The following MAP3K5 variants were observed in gnomAD, a reference collection of about 807,000 sequenced individuals.
The protein encoded by MAP3K5 is ASK-1.
A neutral mutation model predicts 158.7 loss-of-function variants in MAP3K5; 56 were observed. The ratio of observed to expected loss-of-function variants is 0.35; its 90% CI spans 0.28 to 0.44. The LOEUF is 0.44. Among genes scored for constraint, MAP3K5 ranks in the 20% least tolerant of loss-of-function variants. The pLI, the probability that MAP3K5 is intolerant of heterozygous loss-of-function variation, is 1.00. For missense variants in MAP3K5, 1,294 were observed against 1,674.8 expected (o/e 0.77, Z 3.97); for synonymous variants, 579 against 601.7 (o/e 0.96, Z 0.55).
intron 8 of MAP3K5, among the ~76,000 whole-genome samples, chr6:136,661,459 G>A (rs571141507): frequency 2.0e-5 from 3 of 152,266 alleles, no homozygotes; most frequent in East Asian, 1.9e-4. Flanking sequence ...GCAGTGGCAC[G>A]ATCACTGCTC....
At chr6:136,778,532 T>C (rs1031058194) in intron 1 of MAP3K5, among the ~76,000 whole-genome samples, 1 of 152,214 alleles carries the variant, frequency 6.6e-6, no homozygotes, top group African/African-American at 2.4e-5. Context: ...AAGGCAGAAA[T>C]CACACCTTTT....
At chr6:136,640,626 G>A (rs915282103) in intron 12 of MAP3K5, among the ~76,000 whole-genome samples, 3 of 152,128 alleles carry the variant, frequency 2.0e-5, no homozygotes, top group African/African-American at 7.2e-5. Flanking sequence ...GTCATGAGTT[G>A]TTAAATGTCT....
intron 7 of MAP3K5, among the ~76,000 whole-genome samples, chr6:136,680,115 A>G (rs567569666): frequency 6.6e-6 from 1 of 152,244 alleles, no homozygotes; most frequent in East Asian, 1.9e-4. Context: ...AGGTACCTAG[A>G]GTAGTCAAAT....
intron 2 of MAP3K5, among the ~76,000 whole-genome samples, chr6:136,716,027 CAAAAAAAAAAAAAAAAAAAA>C (rs60678515): frequency 1.8e-3 from 42 of 23,032 alleles, no homozygotes; most frequent in East Asian, 0.01. Flanking sequence ...AAGATCGTCT[CAAAAAAAAAAAAAAAAAAAA>C]AAAAAAAAAA....
At chr6:136,562,328 A>G (rs879926574) in intron 27 of MAP3K5, among the ~76,000 whole-genome samples, 175 bp downstream of exon 27, 3 of 152,206 alleles carry the variant, frequency 2.0e-5, no homozygotes, top group Non-Finnish European at 2.9e-5. Flanking sequence ...CTTATAAGAA[A>G]TGAGTTTGCT....
At chr6:136,591,076 G>C (rs1775364945) in intron 23 of MAP3K5, among the ~76,000 whole-genome samples, 1 of 152,148 alleles carries the variant, frequency 6.6e-6, no homozygotes, top group Admixed American at 6.5e-5. Flanking sequence ...GAATTCCCCT[G>C]CACAAGCTCT....
At chr6:136,608,989 T>C (rs917101726) in intron 18 of MAP3K5, among the ~76,000 whole-genome samples, 1 of 152,146 alleles carries the variant, frequency 6.6e-6, no homozygotes, top group Non-Finnish European at 1.5e-5. Context: ...TGGGGACAGA[T>C]CTATACATGT....
At chr6:136,699,473 G>C (rs1446265086) in intron 3 of MAP3K5, among the ~76,000 whole-genome samples, 1 of 152,120 alleles carries the variant, frequency 6.6e-6, no homozygotes, top group East Asian at 1.9e-4. Context: ...CTTGCTCTTG[G>C]GAGAAAGAAG....
At chr6:136,632,083 T>C (rs947727731) in intron 14 of MAP3K5, among the ~76,000 whole-genome samples, 2 of 152,082 alleles carry the variant, frequency 1.3e-5, no homozygotes, top group African/African-American at 4.8e-5. Flanking sequence ...GGCGTCTGCA[T>C]GTCAAGCCCA....
intron 1 of MAP3K5, among the ~76,000 whole-genome samples, chr6:136,787,326 C>T (rs1191972966): frequency 6.6e-6 from 1 of 152,234 alleles, no homozygotes; most frequent in East Asian, 1.9e-4. Context: ...ACTGCTAAGG[C>T]AAAGGCATTG....
At chr6:136,621,527 T>A (rs766201782) in intron 15 of MAP3K5, among the ~76,000 whole-genome samples, 1 of 152,162 alleles carries the variant, frequency 6.6e-6, no homozygotes. Flanking sequence ...CTGCAGTAAA[T>A]AGGCCTTTAG....
chr6:136,574,016 C>T (rs1319466176), intron 25 of MAP3K5, among the ~76,000 whole-genome samples: 3 of 151,934 alleles, frequency 2.0e-5, no homozygotes, highest in East Asian at 1.9e-4. Flanking sequence ...CTGCAACCTC[C>T]GCCTCCCAGG....
Position 136,592,618 on chromosome 6 carries a change from C to T in MAP3K5, c.2879-4G>A, listed in dbSNP as rs370981646. 1 of 1,611,442 alleles carries T rather than the reference C, an allele frequency of 6.2e-7. No individual in the cohort carries two copies. The highest frequency in any genetic ancestry group is 8.5e-7 in the Non-Finnish European group (1 of 1,178,130). On this transcript the variant is annotated splice_region_variant and splice_polypyrimidine_tract_variant and intron_variant, in intron 21 of 29. Transcript: ENST00000359015. ...AAGGATATACTCCTGAGATATTCTG[C>T]TTGTGATGAGAGGAGGGAAAAGATA... is the stretch of plus-strand genomic sequence containing the variant.
intron 23 of MAP3K5, among the ~76,000 whole-genome samples, chr6:136,588,003 C>G (rs1253975396): frequency 6.6e-6 from 1 of 152,182 alleles, no homozygotes; most frequent in East Asian, 1.9e-4. Flanking sequence ...TAGACCCCAA[C>G]AAACTGGCAT....
chr6:136,585,022 C>T (rs138286800), intron 23 of MAP3K5, among the ~76,000 whole-genome samples: 43 of 152,214 alleles, frequency 2.8e-4, no homozygotes, highest in African/African-American at 9.2e-4. Context: ...CTTCTAAGAA[C>T]GGACCGATGG....
chr6:136,785,673 C>G (rs563338983), intron 1 of MAP3K5, among the ~76,000 whole-genome samples: 1 of 152,176 alleles, frequency 6.6e-6, no homozygotes. Context: ...CACAGCATCC[C>G]GGTTCTCCCT....
At chr6:136,726,360 A>C (rs1278911765) in intron 1 of MAP3K5, among the ~76,000 whole-genome samples, 6 of 152,236 alleles carry the variant, frequency 3.9e-5, no homozygotes, top group African/African-American at 1.4e-4. Context: ...TGGGAGGCCA[A>C]AGCAGGTGGC....
chr6:136,688,128 A>T (rs187075878), intron 7 of MAP3K5, among the ~76,000 whole-genome samples: 4 of 152,340 alleles, frequency 2.6e-5, no homozygotes, highest in African/African-American at 9.6e-5. Context: ...AGGTACATGG[A>T]TGAAGCTGGA....
At chr6:136,619,555 A>C (rs976885719) in intron 15 of MAP3K5, among the ~76,000 whole-genome samples, 10 of 152,220 alleles carry the variant, frequency 6.6e-5, no homozygotes, top group Admixed American at 5.2e-4. Flanking sequence ...CCACCAGAGT[A>C]GTCCATTTGT....
Sources: allele counts gnomAD v4.1 joint callset (sites outside exome capture counted in the v4.1 genomes callset), GRCh38; gene constraint gnomAD v4.1.1; transcripts MANE v1.5; gene names NCBI Gene and HGNC (gene_info 2026-07-23, HGNC 2026-07-21).